LUC7L2: variants seen among roughly 807,000 people sequenced by gnomAD.
LUC7L2 encodes the protein LUC7 like 2, pre-mRNA splicing factor.
Under a neutral mutation model 52.8 loss-of-function variants are expected in LUC7L2, and 25 were observed. That is an observed-to-expected ratio of 0.47 (90% CI 0.34 to 0.66). The LOEUF is 0.66. Ranked by LOEUF, LUC7L2 falls within the 30% of genes least tolerant of loss-of-function variation. The probability of loss-of-function intolerance (pLI) is 0.01; values close to 1 mark genes in which losing one functional copy is unlikely to be tolerated. For synonymous variants in LUC7L2, 144 were observed against 160.9 expected (o/e 0.89, Z 0.80); for missense variants, 328 against 497.8 (o/e 0.66, Z 3.25).
At position 139,422,328 on chromosome 7, in the gene LUC7L2, A is replaced by AG. The variant is rs748175579; in HGVS notation, c.1171dup (p.Glu391GlyfsTer13). On this transcript the variant is annotated frameshift_variant, in exon 10 of 10. Coordinates refer to ENST00000354926, the MANE Select transcript of LUC7L2 (RefSeq NM_016019.5). LOFTEE classifies it high-confidence loss of function. ...GGAGGAGCTCTGAAGAGCGCGAAGC[A>AG]GGGGAGATCTAACTAGCTGTGTACA... 2 of 1,610,748 alleles carry AG rather than the reference A, an allele frequency of 1.2e-6. No homozygotes were observed. The highest frequency in any genetic ancestry group is 2.7e-5 in the African/African-American group (2 of 74,712).
chr7:139,413,394 ATCT>A (rs1397654100), intron 8 of LUC7L2, among the ~76,000 whole-genome samples: 12 of 152,114 alleles, frequency 7.9e-5, no homozygotes, highest in Non-Finnish European at 1.8e-4. Flanking sequence ...TTCAGATCAC[ATCT>A]TCTTTTAGAA....
intron 3 of LUC7L2, 147 bp downstream of exon 3, chr7:139,398,844 C>G (rs1585115853): frequency 3.4e-6 from 2 of 585,372 alleles, no homozygotes; most frequent in East Asian, 6.4e-5. Context: ...CATGTACTTT[C>G]TTGACAACTC....
At chr7:139,361,255 C>T (rs975534688) in intron 1 of LUC7L2, among the ~76,000 whole-genome samples, 4 of 152,206 alleles carry the variant, frequency 2.6e-5, no homozygotes, top group African/African-American at 9.6e-5. Flanking sequence ...TAGTTCATTA[C>T]TTTCTTAACA....
chr7:139,410,723 G>A (rs1309759226), intron 7 of LUC7L2, among the ~76,000 whole-genome samples: 1 of 152,176 alleles, frequency 6.6e-6, no homozygotes, highest in Non-Finnish European at 1.5e-5. Context: ...AGAGTTAGCA[G>A]ATGTGCTTAA....
intron 2 of LUC7L2, among the ~76,000 whole-genome samples, chr7:139,380,392 G>A (rs1366554567): frequency 6.6e-6 from 1 of 152,046 alleles, no homozygotes; most frequent in Non-Finnish European, 1.5e-5. Flanking sequence ...AAGGTCAGGA[G>A]TTCGAGACCA....
At chr7:139,395,667 G>A (rs758515121) in intron 2 of LUC7L2, among the ~76,000 whole-genome samples, 1 of 152,064 alleles carries the variant, frequency 6.6e-6, no homozygotes, top group Non-Finnish European at 1.5e-5. Flanking sequence ...TTGAGACAGG[G>A]TCTAGCTCTG....
At chr7:139,354,073 G>A (rs1179930009) in intron 1 of LUC7L2, among the ~76,000 whole-genome samples, 3 of 151,468 alleles carry the variant, frequency 2.0e-5, no homozygotes, top group Non-Finnish European at 4.4e-5. Flanking sequence ...CCGAGATCAC[G>A]CCACTGCACT....
At chr7:139,341,771 A>C (rs1208964053) in intron 1 of LUC7L2, among the ~76,000 whole-genome samples, 1 of 152,078 alleles carries the variant, frequency 6.6e-6, no homozygotes, top group African/African-American at 2.4e-5. Flanking sequence ...AGAGGGGCGG[A>C]CCCGTCCCGA....
chr7:139,364,618 C>G (rs1433524412), intron 1 of LUC7L2, among the ~76,000 whole-genome samples: 1 of 152,168 alleles, frequency 6.6e-6, no homozygotes, highest in Non-Finnish European at 1.5e-5. Context: ...TGAAAGGATA[C>G]TCATCCTCAT....
At chr7:139,363,238 A>T in intron 1 of LUC7L2, 1 of 985,454 alleles carries the variant, frequency 1.0e-6, no homozygotes, top group Non-Finnish European at 1.2e-6. Flanking sequence ...GGCATACTGC[A>T]TAAATGGAAG....
chr7:139,361,195 A>T (rs190801004), intron 1 of LUC7L2, among the ~76,000 whole-genome samples: 1 of 152,364 alleles, frequency 6.6e-6, no homozygotes, highest in African/African-American at 2.4e-5. Context: ...GTTAATTAGT[A>T]ATGTACTCTC....
chr7:139,384,793 G>A lies in LUC7L2; in HGVS notation c.156+8637G>A, dbSNP rs565249619. Among the ~76,000 whole-genome samples, 4 of 152,234 alleles carry A rather than the reference G, an allele frequency of 2.6e-5. No homozygotes were observed. The East Asian group carries it at 5.8e-4, about 22-fold the overall frequency. On this transcript the variant is annotated intron_variant, in intron 2 of 9. Coordinates refer to ENST00000354926, the MANE Select transcript of LUC7L2 (RefSeq NM_016019.5). ...GGGGTCTCACTGTGTTGTCCAGGCT[G>A]GAGTGCAGTGGCTATTTGTAGGAGC... is the stretch of plus-strand genomic sequence containing the variant.
rs571411156 is a variant in LUC7L2 at position 139,423,406 on chromosome 7, T to G, written c.*1066T>G. On this transcript the variant is annotated 3_prime_UTR_variant, in exon 10 of 10. Coordinates refer to ENST00000354926, the MANE Select transcript of LUC7L2 (RefSeq NM_016019.5). ...TCGACCTGCAGAAGAAACTGGGGTG[T>G]TTTTATTCTCATTCAACAAACCCAA... The G allele has an allele frequency of 1.0e-4, 41 of 398,840 alleles. No individual in the cohort carries two copies. Among genetic ancestry groups the G allele is most frequent in the Non-Finnish European group, 1.7e-4 (38 of 226,066 alleles). The allele number at this position is 398,840 out of a possible 1,614,324, so 24.7% of individuals were successfully genotyped here. A position where few individuals can be genotyped will look rare whatever the true frequency, so the allele number is the denominator to read the frequency against.
intron 1 of LUC7L2, chr7:139,345,909 CT>C: frequency 1.9e-6 from 1 of 514,822 alleles, no homozygotes; most frequent in Non-Finnish European, 3.1e-6. Context: ...TGTTTTTCTA[CT>C]TAAAAAAATT....
At chr7:139,421,410 A>ATGT (rs560963771) in intron 9 of LUC7L2, among the ~76,000 whole-genome samples, 4 of 152,176 alleles carry the variant, frequency 2.6e-5, no homozygotes, top group Non-Finnish European at 5.9e-5. Context: ...ATTCCATAAT[A>ATGT]TGTTTGGTTT....
intron 9 of LUC7L2, among the ~76,000 whole-genome samples, chr7:139,419,013 AG>A (rs1273735861): frequency 1.3e-5 from 2 of 152,162 alleles, no homozygotes; most frequent in African/African-American, 2.4e-5. Flanking sequence ...CAGGAGGCTG[AG>A]GAAGGAGAAT....
chr7:139,386,666 A>C (rs1794212807), intron 2 of LUC7L2, among the ~76,000 whole-genome samples: 1 of 151,952 alleles, frequency 6.6e-6, no homozygotes, highest in Non-Finnish European at 1.5e-5. Flanking sequence ...TCGGCCTCCC[A>C]AAGTGCTGGG....
intron 3 of LUC7L2, among the ~76,000 whole-genome samples, chr7:139,399,776 G>A (rs1794824611): frequency 6.6e-6 from 1 of 151,892 alleles, no homozygotes; most frequent in Non-Finnish European, 1.5e-5. Flanking sequence ...GCCGTTTGGG[G>A]GATATTAAGG....
At chr7:139,343,163 C>T (rs916876177) in intron 1 of LUC7L2, among the ~76,000 whole-genome samples, 5 of 152,184 alleles carry the variant, frequency 3.3e-5, no homozygotes, top group Admixed American at 6.5e-5. Context: ...CTACATTAAC[C>T]TAGAATTCCC....
Sources: allele counts gnomAD v4.1 joint callset (sites outside exome capture counted in the v4.1 genomes callset), GRCh38; gene constraint gnomAD v4.1.1; transcripts MANE v1.5; gene names NCBI Gene and HGNC (gene_info 2026-07-23, HGNC 2026-07-21).